The following KLK6 variants were observed in gnomAD, a reference collection of about 807,000 sequenced individuals.
KLK6 encodes the protein kallikrein-6.
In KLK6, 16 loss-of-function variants were observed where a neutral mutation model predicts 21.7. The ratio of observed to expected loss-of-function variants is 0.74; its 90% CI spans 0.50 to 1.12. The LOEUF (loss-of-function observed/expected upper bound fraction) is 1.12, where lower values mean the gene tolerates loss of function less well. Among genes scored for constraint, KLK6 ranks in the 50% most tolerant of loss-of-function variants. The pLI, the probability that KLK6 is intolerant of heterozygous loss-of-function variation, is 0.00. For synonymous variants in KLK6, 116 were observed against 120.1 expected (o/e 0.97, Z 0.22); for missense variants, 276 against 304.6 (o/e 0.91, Z 0.70).
Position 50,961,774 on chromosome 19 carries a change from C to A in KLK6, c.552G>T (p.Gly184=). 2 of 1,613,956 alleles carry A rather than the reference C, an allele frequency of 1.2e-6. No homozygotes were observed. The highest frequency in any genetic ancestry group is 2.2e-5 in the South Asian group (2 of 91,058). Residue 184 remains glycine (G), a synonymous_variant, in exon 6 of 7, where the codon GGG becomes GGT. Transcript: ENST00000310157. ...AGGAATCCTTCCCGTACTTCTCATC[C>A]CCAGCACACAACATGTTCTGGGTGA... ...GQITQNMLCA[G]DEKYGKDSCQ... is the part of the protein sequence containing the mutation.
chr19:50,963,174 C>T, intron 5 of KLK6, 128 bp downstream of exon 5: 1 of 1,329,030 alleles, frequency 7.5e-7, no homozygotes, highest in Non-Finnish European at 1.0e-6. Context: ...CATTGAAACC[C>T]TGTCCCATTG....
intron 3 of KLK6, 95 bp from the exon 4 acceptor site, chr19:50,967,420 T>C (rs1167020629): frequency 7.9e-7 from 1 of 1,266,312 alleles, no homozygotes; most frequent in Non-Finnish European, 1.1e-6. Flanking sequence ...TCAGGTGCAG[T>C]GGCTTATGCC....
chr19:50,967,601 G>T (rs1170404712), intron 3 of KLK6, among the ~76,000 whole-genome samples: 5 of 150,642 alleles, frequency 3.3e-5, no homozygotes, highest in Admixed American at 6.6e-5. Flanking sequence ...TACTTGGGAG[G>T]CTGAGGTGGG....
In KLK6 at chr19:50,964,115, A is replaced by G. The variant is rs1043380779; in HGVS notation, c.198-566T>C. On this transcript the variant is annotated intron_variant, in intron 4 of 6. Transcript: ENST00000310157. ...CCCCTTCTCTCCCTCTGCTCCAGCC[A>G]AACGCTGGCTTCCCTGTCTTGCCTT... Among the ~76,000 whole-genome samples the G allele has an allele frequency of 2.0e-5, 3 of 152,096 alleles. No homozygotes were observed. In the East Asian group the frequency reaches 5.8e-4, roughly 29 times the overall value.
At chr19:50,962,202 T>G in intron 5 of KLK6, 1 of 267,936 alleles carries the variant, frequency 3.7e-6, no homozygotes, top group Non-Finnish European at 7.1e-6. Flanking sequence ...GGTCCCACCT[T>G]CTTCAGTAGT....
Sources: gnomAD v4.1 joint callset for allele counts (sites outside exome capture counted in the v4.1 genomes callset) on GRCh38, gnomAD v4.1.1 for gene constraint, MANE v1.5 for transcripts, NCBI Gene and HGNC (gene_info 2026-07-23, HGNC 2026-07-21) for gene names.